Variants in DYNC2H1 observed in about 807,000 individuals in gnomAD.
The protein encoded by DYNC2H1 is cytoplasmic dynein 2 heavy chain 1.
DYNC2H1 carries 410 observed loss-of-function variants against 570.0 expected under a neutral mutation model. That is an observed-to-expected ratio of 0.72 (90% CI 0.66 to 0.78). The LOEUF is 0.78. DYNC2H1 is among the 30% of genes least tolerant of loss of function. The pLI, the probability that DYNC2H1 is intolerant of heterozygous loss-of-function variation, is 0.00. For missense variants in DYNC2H1, 4,865 were observed against 5,046.4 expected, an observed-to-expected ratio of 0.96 and a Z score of 1.09; for synonymous variants, 1,688 against 1,677.6, an observed-to-expected ratio of 1.01 and a Z score of -0.15.
chr11:103,121,950 CA>C (rs373618455), intron 10 of DYNC2H1, among the ~76,000 whole-genome samples: 2,336 of 146,016 alleles, frequency 0.016, 54 homozygotes, highest in African/African-American at 0.054. Context: ...GATGCTATCT[CA>C]AAAAAAAAAT....
rs1862807530 is a variant in DYNC2H1, at chr11:103,203,689, G to C, written c.8224G>C (p.Glu2742Gln). ...TGAAGTTCCTGGACTCTATACTCTT[G>C]AAGAATTAGAGCCCTTGCTGTTACC... Reference protein sequence around the residue: ...SGEVPGLYTLEELEPLLLPLK... With the variant: ...SGEVPGLYTLQELEPLLLPLK... The change falls in exon 51 of 89, where the codon GAA becomes CAA. Residue 2742 changes from glutamate (E) to glutamine (Q), a missense_variant. Glu to Gln is a conservative substitution (Grantham distance 29, BLOSUM62 2). Transcript: ENST00000375735. The surrounding 1 kb of genome is among the most constrained non-coding windows in gnomAD (Gnocchi z 4.7). 6.2e-7 allele frequency: 1 copy of C among 1,611,496 alleles called. No individual in the cohort carries two copies. Among genetic ancestry groups the C allele is most frequent in the Non-Finnish European group, 8.5e-7 (1 of 1,178,956 alleles).
Position 103,254,309 on chromosome 11 carries a change from G to T in DYNC2H1, c.10206+861G>T, listed in dbSNP as rs533239094. On this transcript the variant is annotated intron_variant, in intron 66 of 88. Coordinates refer to ENST00000375735, the MANE Select transcript of DYNC2H1 (RefSeq NM_001377.3). This position sits in a 1 kb window ranked among gnomAD's most constrained non-coding sequence, Gnocchi z 4.9. ...TGTGTAAAAGATCTCCACAGTAGTT[G>T]CAAAAAAGGAGCTATGTAGGTCTTA... 6.6e-6 allele frequency among the ~76,000 whole-genome samples: 1 copy of T among 152,206 alleles called. No homozygotes were observed. The highest frequency in any genetic ancestry group is 2.4e-5 in the African/African-American group (1 of 41,538).
chr11:103,206,978 G>T (rs1862952151), intron 52 of DYNC2H1, among the ~76,000 whole-genome samples: 1 of 152,048 alleles, frequency 6.6e-6, no homozygotes, highest in South Asian at 2.1e-4. Context: ...CTGGAGTGTG[G>T]TTGTGCAATC....
At position 103,168,861 on chromosome 11, in the gene DYNC2H1, CTG is replaced by C; in HGVS notation, c.4870_4871del (p.Trp1624GlyfsTer7). 3.7e-6 allele frequency: 6 copies of C among 1,613,142 alleles called. No individual in the cohort carries two copies. Among genetic ancestry groups the C allele is most frequent in the Non-Finnish European group, 5.1e-6 (6 of 1,179,476 alleles). On this transcript the variant is annotated frameshift_variant, in exon 32 of 89. Transcript: ENST00000375735. LOFTEE classifies it high-confidence loss of function. ...AAATTCAGGTTCATACAACTGAAGA[CTG>C]GGCTTGGAAAAAACAACTTAGATTC... ...NQIQVHTTED[W>X]AWKKQLRFYM...
At chr11:103,349,649 G>C (rs567909173) in intron 82 of DYNC2H1, among the ~76,000 whole-genome samples, 1 of 152,138 alleles carries the variant, frequency 6.6e-6, no homozygotes, top group Non-Finnish European at 1.5e-5. Flanking sequence ...CACTGTGTGA[G>C]TATGAATTTA....
rs1038279262 is a variant in DYNC2H1 at position 103,186,667 on chromosome 11, T to C, written c.6893+166T>C. Among the ~76,000 whole-genome samples, 6 of 151,844 alleles carry C rather than the reference T, an allele frequency of 4.0e-5. No homozygotes were observed. The highest frequency in any genetic ancestry group is 8.8e-5 in the Non-Finnish European group (6 of 67,904). On this transcript the variant is annotated intron_variant, in intron 42 of 88. Coordinates refer to ENST00000375735, the MANE Select transcript of DYNC2H1 (RefSeq NM_001377.3). The surrounding 1 kb of genome is among the most constrained non-coding windows in gnomAD (Gnocchi z 4.5). ...TAAAAATAAGAACTATGGGGAATAG[T>C]GTGTCCTTTTCTTTTCCAGGTTGTG...
chr11:103,250,440 T>C (rs1864784632), intron 65 of DYNC2H1, among the ~76,000 whole-genome samples: 1 of 152,110 alleles, frequency 6.6e-6, no homozygotes, highest in South Asian at 2.1e-4. Flanking sequence ...CTCCTATTGA[T>C]CACGTCACCC....
intron 80 of DYNC2H1, among the ~76,000 whole-genome samples, chr11:103,317,422 G>A (rs1170840174): frequency 6.7e-6 from 1 of 150,312 alleles, no homozygotes; most frequent in African/African-American, 2.4e-5. Context: ...TCTATCCTTT[G>A]CAAATCACAT....
intron 31 of DYNC2H1, among the ~76,000 whole-genome samples, chr11:103,166,870 C>G (rs1020277776): frequency 3.3e-5 from 5 of 151,536 alleles, no homozygotes; most frequent in Admixed American, 6.6e-5. Context: ...ATCTGGGAAG[C>G]TTTTGGCTCT....
rs774064707 is a variant in DYNC2H1 at position 103,399,647 on chromosome 11, GAC to G, written c.12157-14_12157-13del. 6.3e-7 allele frequency: 1 copy of G among 1,581,356 alleles called. No individual in the cohort carries two copies. The highest frequency in any genetic ancestry group is 2.2e-5 in the East Asian group (1 of 44,546). On this transcript the variant is annotated splice_polypyrimidine_tract_variant and intron_variant, in intron 83 of 88. Transcript: ENST00000375735. ...TGTGTTACTATTCGGTAAATATTAT[GAC>G]ATTTTTCTTTTAGAATTCAAACCTA...
In DYNC2H1 at chr11:103,117,769, C is replaced by T. The variant is rs1858489010; in HGVS notation, c.905C>T (p.Thr302Ile). Residue 302 changes from threonine (T) to isoleucine (I), a missense_variant, in exon 6 of 89, where the codon ACA (threonine) becomes ATA (isoleucine). Thr to Ile is a moderately conservative substitution (Grantham distance 89). This residue lies in a region of DYNC2H1 where 1,936 missense variants were observed against 1,962.1 expected (regional missense o/e 0.99). Coordinates refer to ENST00000375735, the MANE Select transcript of DYNC2H1 (RefSeq NM_001377.3). ...EQWVIVCNHL[T>I]GQVWQRYVPH... is the part of the protein sequence containing the mutation. Reference sequence around the variant, plus strand: ...TGGGTGATAGTCTGTAATCATCTAACAGGTCAGGTGTGGCAGCGCTATGTT... The same window carrying T: ...TGGGTGATAGTCTGTAATCATCTAATAGGTCAGGTGTGGCAGCGCTATGTT... The T allele has an allele frequency of 1.9e-6, 3 of 1,613,496 alleles. No homozygotes were observed. The highest frequency in any genetic ancestry group is 2.5e-6 in the Non-Finnish European group (3 of 1,179,570).
chr11:103,452,642 C>T (rs984478337), intron 85 of DYNC2H1, among the ~76,000 whole-genome samples: 1 of 151,698 alleles, frequency 6.6e-6, no homozygotes, highest in African/African-American at 2.4e-5. Flanking sequence ...TGATAAGTTA[C>T]CTAGATAATA....
In DYNC2H1 at chr11:103,466,494, T is replaced by C. The variant is rs543468850; in HGVS notation, c.12649-2095T>C. On this transcript the variant is annotated intron_variant, in intron 87 of 88. Coordinates refer to ENST00000375735, the MANE Select transcript of DYNC2H1 (RefSeq NM_001377.3). ...CAGACTAGGAAAAGATACTAGTATC[T>C]TGTATAACTGACAAAGGATTAGTAC... Among the ~76,000 whole-genome samples the C allele has an allele frequency of 3.3e-5, 5 of 152,274 alleles. No individual in the cohort carries two copies. In the East Asian group the frequency reaches 9.6e-4, roughly 29 times the overall value.
At chr11:103,202,975 A>G (rs1016754793) in intron 50 of DYNC2H1, among the ~76,000 whole-genome samples, 1 of 152,160 alleles carries the variant, frequency 6.6e-6, no homozygotes, top group African/African-American at 2.4e-5. Flanking sequence ...GTAGCAGGCC[A>G]TGGACCAGTT....
chr11:103,444,268 GCTATA>G (rs1375669342), intron 85 of DYNC2H1, among the ~76,000 whole-genome samples: 2 of 151,436 alleles, frequency 1.3e-5, no homozygotes, highest in Non-Finnish European at 3.0e-5. Context: ...TTCTTCTCTT[GCTATA>G]CTAAACACAT....
At chr11:103,374,291 C>T (rs746190404) in intron 83 of DYNC2H1, among the ~76,000 whole-genome samples, 22 of 152,156 alleles carry the variant, frequency 1.4e-4, no homozygotes, top group Non-Finnish European at 2.8e-4. Flanking sequence ...AGTGAGTTCT[C>T]ATGAGATCTG....
Position 103,154,951 on chromosome 11 carries a change from A to T in DYNC2H1, c.3573+142A>T. 4.5e-6 allele frequency: 3 copies of T among 665,004 alleles called. No individual in the cohort carries two copies. The East Asian group carries it at 9.3e-5, about 21-fold the overall frequency. 41.2% of individuals were successfully genotyped at this position (665,004 alleles called of 1,614,324 possible). ...ATGAAGAAAATAGGAAATACAGAGT[A>T]AACCATAGAAATTATTGATATTTCT... On this transcript the variant is annotated intron_variant, in intron 24 of 88. Coordinates refer to ENST00000375735, the MANE Select transcript of DYNC2H1 (RefSeq NM_001377.3).
At chr11:103,310,511 CTAAG>C (rs993681776) in intron 78 of DYNC2H1, among the ~76,000 whole-genome samples, 1 of 151,774 alleles carries the variant, frequency 6.6e-6, no homozygotes, top group African/African-American at 2.4e-5. Flanking sequence ...TTTAAAAACT[CTAAG>C]TGGTTGTTTG....
intron 74 of DYNC2H1, 74 bp downstream of exon 74, chr11:103,286,460 A>T (rs1866356274): frequency 6.5e-7 from 1 of 1,543,612 alleles, no homozygotes; most frequent in Admixed American, 1.9e-5. Flanking sequence ...ATTTAAAGGA[A>T]AGCTTTGCTT....
Sources: gnomAD v4.1 joint callset for allele counts (sites outside exome capture counted in the v4.1 genomes callset) on GRCh38, gnomAD v4.1.1 for gene constraint, gnomAD v4.1.1 regional missense constraint, Gnocchi (gnomAD v3.1) non-coding constraint, MANE v1.5 for transcripts, NCBI Gene and HGNC (gene_info 2026-07-23, HGNC 2026-07-21) for gene names.